The following RGS7 variants were observed in gnomAD, a reference collection of about 807,000 sequenced individuals.
The protein encoded by RGS7 is regulator of G-protein signaling 7.
Under a neutral mutation model 81.1 loss-of-function variants are expected in RGS7, and 27 were observed. The ratio of observed to expected loss-of-function variants is 0.33; its 90% confidence interval spans 0.25 to 0.46. The LOEUF is 0.46. Among genes scored for constraint, RGS7 ranks in the 20% least tolerant of loss-of-function variants. RGS7 has a pLI of 1.00. For synonymous variants in RGS7, 208 were observed against 207.7 expected (o/e 1.00, Z -0.01); for missense variants, 396 against 607.4 (o/e 0.65, Z 3.66).
chr1:240,947,529 T>C (rs1678844251), intron 4 of RGS7, among the ~76,000 whole-genome samples: 1 of 152,208 alleles, frequency 6.6e-6, no homozygotes, highest in East Asian at 1.9e-4. Context: ...TTTCTCCCAT[T>C]CACCGACTCC....
chr1:241,132,906 G>A (rs2067221392), intron 2 of RGS7, among the ~76,000 whole-genome samples: 1 of 152,010 alleles, frequency 6.6e-6, no homozygotes, highest in Non-Finnish European at 1.5e-5. Context: ...GGGATTACAG[G>A]TGCCCACCAC....
At position 241,093,462 on chromosome 1, in the gene RGS7, G is replaced by A. The variant is rs557614598; in HGVS notation, c.175+5204C>T. Among the ~76,000 whole-genome samples, 15 of 152,128 alleles carry A rather than the reference G, an allele frequency of 9.9e-5. No homozygotes were observed. The South Asian group carries it at 2.7e-3, about 27-fold the overall frequency. On this transcript the variant is annotated intron_variant, in intron 3 of 18. Coordinates refer to ENST00000440928, the MANE Select transcript of RGS7 (RefSeq NM_001364886.1). ...GCCCACAAAACCCAGTATAGTTACTGGAACATAGTGAGTATTTGATCAATG... is the reference window on the plus strand; with the variant it reads ...GCCCACAAAACCCAGTATAGTTACTAGAACATAGTGAGTATTTGATCAATG...
At chr1:240,998,196 T>C (rs921482259) in intron 3 of RGS7, among the ~76,000 whole-genome samples, 2 of 152,188 alleles carry the variant, frequency 1.3e-5, no homozygotes, top group African/African-American at 4.8e-5. Context: ...TTTTCTCTTC[T>C]AGTTAATGTG....
chr1:240,950,344 A>T (rs759971957), intron 4 of RGS7, among the ~76,000 whole-genome samples: 1 of 152,166 alleles, frequency 6.6e-6, no homozygotes, highest in Non-Finnish European at 1.5e-5. Context: ...TCTCTATAAC[A>T]AAGGCCTCTA....
chr1:240,822,630 C>T, intron 10 of RGS7, among the ~76,000 whole-genome samples: 1 of 152,088 alleles, frequency 6.6e-6, no homozygotes, highest in Non-Finnish European at 1.5e-5. Context: ...GGTATTTTAC[C>T]ATGAAAATTT....
intron 2 of RGS7, among the ~76,000 whole-genome samples, chr1:241,110,557 ATC>A (rs1316952713): frequency 1.3e-5 from 2 of 152,196 alleles, no homozygotes; most frequent in African/African-American, 4.8e-5. Flanking sequence ...GATTTAGCTA[ATC>A]TCTGAGATTC....
At chr1:241,275,405 A>G (rs1043607609) in intron 2 of RGS7, among the ~76,000 whole-genome samples, 5 of 152,236 alleles carry the variant, frequency 3.3e-5, no homozygotes, top group African/African-American at 1.2e-4. Flanking sequence ...AATATACACT[A>G]TAGCACACCC....
chr1:241,245,705 G>A (rs886267188), intron 2 of RGS7, among the ~76,000 whole-genome samples: 7 of 152,182 alleles, frequency 4.6e-5, no homozygotes, highest in East Asian at 1.9e-4. Flanking sequence ...TACTCGGGAG[G>A]CTGAGGCAGG....
chr1:241,324,881 T>C (rs1244808252), intron 2 of RGS7, among the ~76,000 whole-genome samples: 1 of 152,238 alleles, frequency 6.6e-6, no homozygotes, highest in Non-Finnish European at 1.5e-5. Flanking sequence ...GACCTAATGA[T>C]TTTCTTTTCC....
At chr1:240,970,586 T>C (rs1450915944) in intron 4 of RGS7, among the ~76,000 whole-genome samples, 1 of 152,206 alleles carries the variant, frequency 6.6e-6, no homozygotes, top group Non-Finnish European at 1.5e-5. Context: ...TCACTTTGAA[T>C]GGCAGACATC....
intron 2 of RGS7, among the ~76,000 whole-genome samples, chr1:241,274,363 A>T (rs906114337): frequency 1.4e-4 from 21 of 152,360 alleles, no homozygotes; most frequent in Non-Finnish European, 2.9e-4. Context: ...CTAACTGGTA[A>T]AAGATTAGTT....
intron 2 of RGS7, among the ~76,000 whole-genome samples, chr1:241,315,107 C>CTTTTTTTTTTTTTTTTTTTTTTTTTTT (rs5782184): frequency 5.2e-5 from 3 of 57,440 alleles, no homozygotes; most frequent in East Asian, 5.5e-4. Context: ...TCTTCTTCTT[C>CTTTTTTTTTTTTTTTTTTTTTTTTTTT]TTTTTTTTTT....
intron 4 of RGS7, among the ~76,000 whole-genome samples, chr1:240,980,326 C>G (rs1377118868): frequency 6.6e-6 from 1 of 152,158 alleles, no homozygotes; most frequent in African/African-American, 2.4e-5. Context: ...AATGGGCCAT[C>G]AGAACCTGCT....
chr1:241,248,639 G>A (rs1373298195), intron 2 of RGS7, among the ~76,000 whole-genome samples: 1 of 151,682 alleles, frequency 6.6e-6, no homozygotes, highest in Non-Finnish European at 1.5e-5. Context: ...CTCCTCCACT[G>A]CATTTTAAGC....
At chr1:241,089,049 CTCTCTCTCTCTCTCTATATATA>C (rs2063678431) in intron 3 of RGS7, among the ~76,000 whole-genome samples, 1 of 53,454 alleles carries the variant, frequency 1.9e-5, no homozygotes, top group Admixed American at 1.9e-4. Context: ...CTCTCTCTCT[CTCTCTCTCTCTCTCTATATATA>C]TATATATATA....
chr1:241,082,284 T>C (rs904748399), intron 3 of RGS7, among the ~76,000 whole-genome samples: 5 of 152,152 alleles, frequency 3.3e-5, no homozygotes, highest in Non-Finnish European at 5.9e-5. Context: ...ACTCCAAATA[T>C]AAAATGGCAA....
chr1:241,081,538 C>T (rs1273727944), intron 3 of RGS7, among the ~76,000 whole-genome samples: 3 of 152,200 alleles, frequency 2.0e-5, no homozygotes, highest in Non-Finnish European at 4.4e-5. Context: ...TAAAGTACAT[C>T]GATTTCCCCT....
Position 240,962,277 on chromosome 1 carries a change from G to A in RGS7, c.226+20802C>T, listed in dbSNP as rs112207582. On this transcript the variant is annotated intron_variant, in intron 4 of 18. Coordinates refer to ENST00000440928, the MANE Select transcript of RGS7 (RefSeq NM_001364886.1). ...TCCTGGAGCCCTCTATGTGGCTGCTGTCACGCTCTGTCTACTCTGCTATCT... is the reference window on the plus strand; with the variant it reads ...TCCTGGAGCCCTCTATGTGGCTGCTATCACGCTCTGTCTACTCTGCTATCT... Among the ~76,000 whole-genome samples, 8 of 152,226 alleles carry A rather than the reference G, an allele frequency of 5.3e-5. 1 individual carries two copies. Among genetic ancestry groups the A allele is most frequent in the African/African-American group, 1.9e-4 (8 of 41,538 alleles).
At chr1:241,348,659 T>A (rs1248537282) in intron 2 of RGS7, among the ~76,000 whole-genome samples, 1 of 152,240 alleles carries the variant, frequency 6.6e-6, no homozygotes, top group Non-Finnish European at 1.5e-5. Flanking sequence ...CTTTCACCTC[T>A]GAAATTCCTG....
Sources: allele counts gnomAD v4.1 joint callset (sites outside exome capture counted in the v4.1 genomes callset), GRCh38; gene constraint gnomAD v4.1.1; transcripts MANE v1.5; gene names NCBI Gene and HGNC (gene_info 2026-07-23, HGNC 2026-07-21).